MARK3: variants seen among roughly 807,000 people sequenced by gnomAD.
MARK3 encodes MAP/microtubule affinity-regulating kinase 3.
Under a neutral mutation model 90.1 loss-of-function variants are expected in MARK3, and 46 were observed. The observed-to-expected ratio is 0.51, with a 90% confidence interval of 0.40 to 0.65. The LOEUF (loss-of-function observed/expected upper bound fraction) is 0.65, where lower values mean the gene tolerates loss of function less well. MARK3 is among the 30% of genes least tolerant of loss of function. MARK3 has a pLI of 0.00. For synonymous variants in MARK3, 321 were observed against 332.6 expected (o/e 0.97, Z 0.38); for missense variants, 818 against 947.2 (o/e 0.86, Z 1.79).
At chr14:103,393,039 A>G (rs559361204) in intron 1 of MARK3, among the ~76,000 whole-genome samples, 118 of 152,276 alleles carry the variant, frequency 7.7e-4, no homozygotes, top group Non-Finnish European at 1.5e-3. Flanking sequence ...GCTGGAGTGC[A>G]GTGGCATGAT....
At chr14:103,414,855 G>A (rs1188301175) in intron 2 of MARK3, among the ~76,000 whole-genome samples, 2 of 152,072 alleles carry the variant, frequency 1.3e-5, no homozygotes, top group African/African-American at 2.4e-5. Flanking sequence ...CACGAAGGCC[G>A]GGCATGGTGG....
chr14:103,446,717 T>TC (rs1374360880), intron 3 of MARK3, among the ~76,000 whole-genome samples: 34 of 32,010 alleles, frequency 1.1e-3, no homozygotes, highest in African/African-American at 1.6e-3. Context: ...TGTCTTTTTT[T>TC]TTTTTTTTTT....
intron 16 of MARK3, 124 bp downstream of exon 16, chr14:103,498,652 A>G (rs2075481096): frequency 2.2e-6 from 2 of 907,092 alleles, no homozygotes; most frequent in African/African-American, 1.7e-5. Context: ...GCTGATAACT[A>G]AATACTTAAT....
At chr14:103,414,612 A>T (rs1374161414) in intron 2 of MARK3, among the ~76,000 whole-genome samples, 1 of 152,222 alleles carries the variant, frequency 6.6e-6, no homozygotes, top group Non-Finnish European at 1.5e-5. Context: ...CTCTGAAGAA[A>T]ACCCAGAGGG....
intron 17 of MARK3, among the ~76,000 whole-genome samples, chr14:103,502,368 T>C (rs2075717663): frequency 6.6e-6 from 1 of 152,204 alleles, no homozygotes; most frequent in Non-Finnish European, 1.5e-5. Flanking sequence ...GAGCATCATG[T>C]TCAGCCTCAG....
At chr14:103,486,216 A>T (rs1014947290) in intron 14 of MARK3, among the ~76,000 whole-genome samples, 1 of 152,158 alleles carries the variant, frequency 6.6e-6, no homozygotes, top group African/African-American at 2.4e-5. Context: ...AGGCAAGTGC[A>T]TCACCTGGGG....
At chr14:103,413,745 A>C (rs907374922) in intron 2 of MARK3, among the ~76,000 whole-genome samples, 2 of 152,122 alleles carry the variant, frequency 1.3e-5, no homozygotes, top group Non-Finnish European at 2.9e-5. Context: ...GGCGTGAGCC[A>C]CCACGCCTGG....
At chr14:103,435,041 G>T (rs188742297) in intron 3 of MARK3, among the ~76,000 whole-genome samples, 2 of 152,246 alleles carry the variant, frequency 1.3e-5, no homozygotes, top group Admixed American at 1.3e-4. Flanking sequence ...TGGCGTCCTA[G>T]GGAATCTTGG....
At chr14:103,417,700 A>G (rs2092008279) in intron 2 of MARK3, among the ~76,000 whole-genome samples, 1 of 152,008 alleles carries the variant, frequency 6.6e-6, no homozygotes, top group African/African-American at 2.4e-5. Context: ...GAGCCTCAAA[A>G]TCTATCTTCT....
chr14:103,410,189 A>G (rs2091549028), intron 2 of MARK3, among the ~76,000 whole-genome samples: 1 of 152,156 alleles, frequency 6.6e-6, no homozygotes, highest in Non-Finnish European at 1.5e-5. Flanking sequence ...ATTTCTTACA[A>G]TTGTGGAGGC....
intron 16 of MARK3, 136 bp from the exon 17 acceptor site, chr14:103,500,020 C>T (rs1024092412): frequency 1.8e-5 from 13 of 715,102 alleles, no homozygotes; most frequent in African/African-American, 5.3e-5. Context: ...TTTTCATAAG[C>T]CCGGCTGGTG....
chr14:103,393,162 C>T (rs2090369503), intron 1 of MARK3, among the ~76,000 whole-genome samples: 1 of 151,998 alleles, frequency 6.6e-6, no homozygotes, highest in Admixed American at 6.6e-5. Context: ...TTTGTATTTT[C>T]GGTAGAGACT....
chr14:103,466,139 G>A (rs2093497990), intron 9 of MARK3, 48 bp downstream of exon 9: 1 of 1,603,180 alleles, frequency 6.2e-7, no homozygotes, highest in Non-Finnish European at 8.5e-7. Flanking sequence ...AGTCTTTAGA[G>A]TGACCTTAGA....
rs763442191 is a variant in MARK3, at chr14:103,502,884, G to A, written c.1919G>A (p.Arg640His). The A allele has an allele frequency of 1.7e-5, 27 of 1,604,046 alleles. No homozygotes were observed. Among genetic ancestry groups the A allele is most frequent in the East Asian group, 2.2e-5 (1 of 44,680 alleles). Residue 640 changes from arginine (R) to histidine (H), a missense_variant and splice_region_variant, in exon 18 of 18, where the codon CGC becomes CAC. Physicochemically the swap from Arg to His is conservative, Grantham distance 29 (BLOSUM62 0). This residue lies in a region of MARK3 where 560 missense variants were observed against 613.5 expected (regional missense o/e 0.91). Coordinates refer to ENST00000429436, the MANE Select transcript of MARK3 (RefSeq NM_001128918.3). ...ERNGRYEGSSRNVSAEQKDEN... is the reference protein window; with the variant it reads ...ERNGRYEGSSHNVSAEQKDEN... ...AAACCTGCCTCTATGCATTTCAGTC[G>A]CAATGTATCTGCTGAGCAAAAAGAT...
At chr14:103,488,499 CA>C (rs1442700932) in intron 14 of MARK3, among the ~76,000 whole-genome samples, 1 of 152,118 alleles carries the variant, frequency 6.6e-6, no homozygotes, top group Non-Finnish European at 1.5e-5. Flanking sequence ...CATTTGTTTC[CA>C]GTCCTTCTCA....
chr14:103,468,314 C>CTTTTTTTTTTTTTTTT (rs759932678), intron 12 of MARK3, 128 bp downstream of exon 12: 3 of 113,946 alleles, frequency 2.6e-5, no homozygotes, highest in African/African-American at 1.7e-4. Context: ...TTTCTTTCTT[C>CTTTTTTTTTTTTTTTT]TTTTTTTTTT....
chr14:103,388,844 G>A (rs534862798), intron 1 of MARK3, among the ~76,000 whole-genome samples: 82 of 152,214 alleles, frequency 5.4e-4, no homozygotes, highest in South Asian at 1.0e-3. Flanking sequence ...ATCAGTATCA[G>A]TAGTTCATTC....
chr14:103,401,369 T>A (rs2090955778), intron 1 of MARK3, among the ~76,000 whole-genome samples: 1 of 152,196 alleles, frequency 6.6e-6, no homozygotes, highest in African/African-American at 2.4e-5. Context: ...GATTGTTGAT[T>A]TGCATGAGCG....
Position 103,503,075 on chromosome 14 carries a change from G to T in MARK3, c.2110G>T (p.Asp704Tyr). The change falls in exon 18 of 18, where the codon GAT becomes TAT. Residue 704 changes from aspartate to tyrosine, a missense_variant. Asp to Tyr is a radical substitution (Grantham distance 160). Around this residue, in one of 3 missense-constraint regions of MARK3, gnomAD observed 560 missense variants for 613.5 expected, o/e 0.91. Transcript: ENST00000429436. ...ERFLLFCVHG[D>Y]GHAENLVQWE... ...CTTCTTGCTCTTCTGCGTCCACGGAGATGGGCACGCGGAGAACCTCGTGCA... is the reference window on the plus strand; with the variant it reads ...CTTCTTGCTCTTCTGCGTCCACGGATATGGGCACGCGGAGAACCTCGTGCA... 6.2e-7 allele frequency: 1 copy of T among 1,614,248 alleles called. No individual in the cohort carries two copies. The highest frequency in any genetic ancestry group is 8.5e-7 in the Non-Finnish European group (1 of 1,180,054).
Sources: allele counts gnomAD v4.1 joint callset (sites outside exome capture counted in the v4.1 genomes callset), GRCh38; gene constraint gnomAD v4.1.1; regional missense constraint gnomAD v4.1.1; transcripts MANE v1.5; gene names NCBI Gene and HGNC (gene_info 2026-07-23, HGNC 2026-07-21).